The following ATF3 variants were observed in gnomAD, a reference collection of about 807,000 sequenced individuals.
ATF3 encodes the protein cyclic AMP-dependent transcription factor ATF-3.
A neutral mutation model predicts 18.4 loss-of-function variants in ATF3; 10 were observed. The observed-to-expected ratio is 0.54, with a 90% CI of 0.34 to 0.92. The LOEUF is 0.92. Ranked by LOEUF, ATF3 falls within the 40% of genes least tolerant of loss-of-function variation. The pLI, the probability that ATF3 is intolerant of heterozygous loss-of-function variation, is 0.02. For missense variants in ATF3, 183 were observed against 222.3 expected, an observed-to-expected ratio of 0.82 and a Z score of 1.12; for synonymous variants, 78 against 87.9, an observed-to-expected ratio of 0.89 and a Z score of 0.63.
intron 1 of ATF3, among the ~76,000 whole-genome samples, chr1:212,572,840 C>T (rs949582684): frequency 3.9e-5 from 6 of 152,044 alleles, no homozygotes; most frequent in African/African-American, 9.7e-5. Flanking sequence ...TTTATCTTTT[C>T]TAAAAGTTGT....
At chr1:212,578,684 A>C (rs1485010058) in intron 1 of ATF3, among the ~76,000 whole-genome samples, 1 of 151,916 alleles carries the variant, frequency 6.6e-6, no homozygotes, top group Non-Finnish European at 1.5e-5. Flanking sequence ...AGATTTCTTC[A>C]TGTATTTTGA....
upstream of ATF3, among the ~76,000 whole-genome samples, chr1:212,603,871 C>T (rs2102643331): frequency 6.6e-6 from 1 of 151,528 alleles, no homozygotes; most frequent in South Asian, 2.1e-4. Context: ...AGACCATATA[C>T]CATTCGAGGT....
chr1:212,599,667 C>T (rs547865133), intron 1 of ATF3, among the ~76,000 whole-genome samples: 5 of 152,242 alleles, frequency 3.3e-5, no homozygotes, highest in East Asian at 3.9e-4. Context: ...CATTTTGTCC[C>T]GAAATGCCCT....
At position 212,618,977 on chromosome 1, in the gene ATF3, G is replaced by A; in HGVS notation, c.349-381G>A. 2 of 1,593,730 alleles carry A rather than the reference G, an allele frequency of 1.3e-6. No homozygotes were observed. Among genetic ancestry groups the A allele is most frequent in the South Asian group, 2.2e-5 (2 of 90,622 alleles). The stretch of plus-strand genomic sequence containing the variant: ...TTGCTATATACATTTTTTCTGGGGA[G>A]ATGAGCTTCTCATTGAGATCTGTGA... On this transcript the variant is annotated intron_variant, in intron 3 of 3. Coordinates refer to ENST00000341491, the MANE Select transcript of ATF3 (RefSeq NM_001674.4). This position sits in a 1 kb window ranked among gnomAD's most constrained non-coding sequence, Gnocchi z 4.4.
At chr1:212,587,345 G>A (rs1036890239) in intron 1 of ATF3, among the ~76,000 whole-genome samples, 8 of 151,552 alleles carry the variant, frequency 5.3e-5, no homozygotes, top group Non-Finnish European at 1.0e-4. Flanking sequence ...GCTGACCTGA[G>A]AACTAAAATA....
At chr1:212,599,384 T>G (rs1377620515) in intron 1 of ATF3, among the ~76,000 whole-genome samples, 1 of 152,212 alleles carries the variant, frequency 6.6e-6, no homozygotes, top group Non-Finnish European at 1.5e-5. Flanking sequence ...AATCACTTTA[T>G]CAGAAAGCTA....
chr1:212,610,104 GCTTT>G (rs1202160751), intron 1 of ATF3, among the ~76,000 whole-genome samples: 1 of 152,194 alleles, frequency 6.6e-6, no homozygotes, highest in Non-Finnish European at 1.5e-5. Context: ...TCCCTCACCA[GCTTT>G]CTTTCCACTG....
intron 1 of ATF3, among the ~76,000 whole-genome samples, chr1:212,600,596 G>A (rs1654454104): frequency 6.6e-6 from 1 of 152,214 alleles, no homozygotes; most frequent in Non-Finnish European, 1.5e-5. Context: ...TCTATGCCTG[G>A]AATGCCTGTC....
At chr1:212,567,163 CT>C (rs34161020) in intron 1 of ATF3, among the ~76,000 whole-genome samples, 44,060 of 148,052 alleles carry the variant, frequency 0.3, 6,528 homozygotes, top group South Asian at 0.35. Flanking sequence ...TCTCTTTTTT[CT>C]TTTTTTTTTT....
chr1:212,615,283 C>T, intron 2 of ATF3, 22 bp downstream of exon 2: 2 of 1,611,578 alleles, frequency 1.2e-6, no homozygotes, highest in Non-Finnish European at 1.7e-6. Flanking sequence ...CACAGGTATT[C>T]ATTCTTTCGG....
chr1:212,614,496 CT>C (rs1331812619), intron 1 of ATF3, among the ~76,000 whole-genome samples: 4 of 151,054 alleles, frequency 2.6e-5, no homozygotes, highest in Admixed American at 6.6e-5. Flanking sequence ...TTTGCTTTTA[CT>C]TCCACTCACT....
intron 1 of ATF3, among the ~76,000 whole-genome samples, chr1:212,612,639 A>G (rs1210890829): frequency 1.3e-5 from 2 of 152,218 alleles, no homozygotes; most frequent in Non-Finnish European, 2.9e-5. Context: ...TGAGAGAAGA[A>G]CTTCAGTTCT....
chr1:212,597,458 C>CTA (rs1558233075), intron 1 of ATF3, among the ~76,000 whole-genome samples: 26 of 147,732 alleles, frequency 1.8e-4, no homozygotes, highest in African/African-American at 6.3e-4. Context: ...TATCATCTAT[C>CTA]TCTCTATCTA....
intron 1 of ATF3, among the ~76,000 whole-genome samples, chr1:212,567,967 A>G (rs1318582184): frequency 6.6e-6 from 1 of 152,256 alleles, no homozygotes; most frequent in African/African-American, 2.4e-5. Context: ...GAGAATATTA[A>G]TAACACTTTC....
chr1:212,575,864 T>C (rs912911050), intron 1 of ATF3, among the ~76,000 whole-genome samples: 1 of 152,190 alleles, frequency 6.6e-6, no homozygotes, highest in Admixed American at 6.5e-5. Context: ...ATTCTTGAGA[T>C]GAAATTCCAC....
chr1:212,600,295 G>A (rs1654444093), intron 1 of ATF3, among the ~76,000 whole-genome samples: 1 of 152,150 alleles, frequency 6.6e-6, no homozygotes, highest in Non-Finnish European at 1.5e-5. Context: ...CTTTGTCCCT[G>A]GGGACAGAGT....
chr1:212,597,632 C>T (rs1049474650), intron 1 of ATF3, among the ~76,000 whole-genome samples: 8 of 152,162 alleles, frequency 5.3e-5, no homozygotes, highest in African/African-American at 1.9e-4. Flanking sequence ...CTTCCCTTAG[C>T]ACAGCCTCCT....
chr1:212,596,611 G>C (rs1160260707), intron 1 of ATF3, among the ~76,000 whole-genome samples: 2 of 152,214 alleles, frequency 1.3e-5, no homozygotes, highest in Non-Finnish European at 2.9e-5. Flanking sequence ...GTGCTGTGGG[G>C]GGTGTGAAAG....
intron 1 of ATF3, among the ~76,000 whole-genome samples, chr1:212,571,945 C>A (rs899916984): frequency 1.5e-5 from 2 of 136,076 alleles, no homozygotes; most frequent in Non-Finnish European, 3.4e-5. Flanking sequence ...ATTTCCTGAC[C>A]TCGTGATCCG....
Sources: gnomAD v4.1 joint callset for allele counts (sites outside exome capture counted in the v4.1 genomes callset) on GRCh38, gnomAD v4.1.1 for gene constraint, Gnocchi (gnomAD v3.1) non-coding constraint, MANE v1.5 for transcripts, NCBI Gene and HGNC (gene_info 2026-07-23, HGNC 2026-07-21) for gene names.